The following RBFOX1 variants were observed in gnomAD, a reference collection of about 807,000 sequenced individuals.
RBFOX1 encodes RNA binding protein fox-1 homolog 1.
In RBFOX1, 8 loss-of-function variants were observed where a neutral mutation model predicts 57.7. The observed-to-expected ratio is 0.14, with a 90% CI of 0.08 to 0.25. The LOEUF is 0.25. RBFOX1 is among the 10% of genes least tolerant of loss of function. The probability of loss-of-function intolerance (pLI) is 1.00; values close to 1 mark genes in which losing one functional copy is unlikely to be tolerated. For missense variants in RBFOX1, 611 were observed against 548.5 expected (o/e 1.11, Z -1.14); for synonymous variants, 326 against 222.4 (o/e 1.47, Z -4.15).
chr16:5,886,720 T>G (rs1202830145), intron 4 of RBFOX1, among the ~76,000 whole-genome samples: 2 of 152,190 alleles, frequency 1.3e-5, no homozygotes, highest in Non-Finnish European at 2.9e-5. Flanking sequence ...AAACCCTGTC[T>G]CTACTTAAAA....
chr16:6,821,745 C>T (rs1208013396), intron 3 of RBFOX1, among the ~76,000 whole-genome samples: 3 of 152,154 alleles, frequency 2.0e-5, no homozygotes, highest in African/African-American at 7.2e-5. Flanking sequence ...AATAATATTC[C>T]ACTGTAGAAA....
intron 4 of RBFOX1, among the ~76,000 whole-genome samples, chr16:7,245,166 C>T (rs11077163): frequency 0.66 from 100,088 of 152,094 alleles, 35,131 homozygotes; most frequent in African/African-American, 0.91. Flanking sequence ...AGTGGTCTTA[C>T]ATGTCTCTCT....
At chr16:7,224,194 A>G (rs1056232853) in intron 4 of RBFOX1, among the ~76,000 whole-genome samples, 5 of 148,532 alleles carry the variant, frequency 3.4e-5, no homozygotes, top group African/African-American at 9.9e-5. Flanking sequence ...ACTCAGTGCA[A>G]TACTATAATG....
intron 3 of RBFOX1, among the ~76,000 whole-genome samples, chr16:5,750,850 A>T (rs1402811717): frequency 6.6e-6 from 1 of 152,294 alleles, no homozygotes; most frequent in South Asian, 2.1e-4. Flanking sequence ...CGGCTCACGC[A>T]TGGTGGGCTG....
intron 3 of RBFOX1, among the ~76,000 whole-genome samples, chr16:5,795,513 A>T (rs2054848638): frequency 6.6e-6 from 1 of 151,968 alleles, no homozygotes; most frequent in Admixed American, 6.6e-5. Context: ...ATGGTTGTGA[A>T]TTCCTGGGCT....
At chr16:7,636,876 G>C (rs961704275) in intron 11 of RBFOX1, among the ~76,000 whole-genome samples, 9 of 152,012 alleles carry the variant, frequency 5.9e-5, no homozygotes, top group African/African-American at 2.2e-4. Flanking sequence ...AGCAATCTCT[G>C]GTGTCTCTTC....
At chr16:7,311,932 T>C (rs1332597767) in intron 4 of RBFOX1, among the ~76,000 whole-genome samples, 1 of 152,224 alleles carries the variant, frequency 6.6e-6, no homozygotes, top group Non-Finnish European at 1.5e-5. Flanking sequence ...GATAGTTTTT[T>C]TTTGTTTATT....
intron 11 of RBFOX1, among the ~76,000 whole-genome samples, chr16:7,631,958 G>T (rs2061036663): frequency 6.6e-6 from 1 of 152,174 alleles, no homozygotes; most frequent in South Asian, 2.1e-4. Context: ...TACCCAGGCT[G>T]GAGTGCAGTG....
At chr16:6,205,863 CTTTTTT>C (rs34261182) in intron 1 of RBFOX1, among the ~76,000 whole-genome samples, 2 of 97,886 alleles carry the variant, frequency 2.0e-5, no homozygotes, top group African/African-American at 4.3e-5. Flanking sequence ...CGAGATCATA[CTTTTTT>C]TTTTTTTTTT....
chr16:6,961,690 T>A (rs68130908), intron 3 of RBFOX1, among the ~76,000 whole-genome samples: 92,878 of 151,850 alleles, frequency 0.61, 28,519 homozygotes, highest in Non-Finnish European at 0.63. Flanking sequence ...GGACTTCCTC[T>A]GGAGGTGAGG....
intron 2 of RBFOX1, among the ~76,000 whole-genome samples, chr16:5,494,136 A>T (rs1025883270): frequency 2.7e-4 from 41 of 152,086 alleles, no homozygotes; most frequent in African/African-American, 9.9e-4. Context: ...CTGGGGTATG[A>T]ATCCCTGTCA....
chr16:5,641,501 A>T (rs926369757), intron 3 of RBFOX1, among the ~76,000 whole-genome samples: 9 of 152,234 alleles, frequency 5.9e-5, no homozygotes, highest in African/African-American at 1.9e-4. Flanking sequence ...CTTCCAAGAG[A>T]TAGCTGTTAC....
chr16:7,203,509 A>G (rs969393280), intron 4 of RBFOX1, among the ~76,000 whole-genome samples: 1 of 152,240 alleles, frequency 6.6e-6, no homozygotes, highest in African/African-American at 2.4e-5. Flanking sequence ...ACTGAATTGT[A>G]TGCTTAAAAT....
chr16:6,042,351 G>A (rs749150335), intron 1 of RBFOX1, among the ~76,000 whole-genome samples: 6 of 151,906 alleles, frequency 3.9e-5, no homozygotes, highest in African/African-American at 7.3e-5. Flanking sequence ...TGTCCACCTC[G>A]GTCTCCCAAA....
At chr16:7,064,907 T>A (rs1245486368) in intron 4 of RBFOX1, among the ~76,000 whole-genome samples, 1 of 152,232 alleles carries the variant, frequency 6.6e-6, no homozygotes, top group Non-Finnish European at 1.5e-5. Context: ...CCTCTGTATG[T>A]GCATTTTCTT....
At chr16:7,142,042 G>C (rs1342402869) in intron 4 of RBFOX1, among the ~76,000 whole-genome samples, 1 of 150,740 alleles carries the variant, frequency 6.6e-6, no homozygotes, top group Non-Finnish European at 1.5e-5. Flanking sequence ...CTTTTTATCT[G>C]AGACAGGGTC....
intron 4 of RBFOX1, among the ~76,000 whole-genome samples, chr16:7,064,999 A>T (rs183236721): frequency 5.3e-5 from 8 of 152,150 alleles, no homozygotes; most frequent in Non-Finnish European, 1.2e-4. Flanking sequence ...ACATACAACA[A>T]ATCAGATGGA....
intron 4 of RBFOX1, among the ~76,000 whole-genome samples, chr16:7,076,225 G>A (rs1180972895): frequency 6.6e-6 from 1 of 150,894 alleles, no homozygotes; most frequent in Non-Finnish European, 1.5e-5. Context: ...GTAGAGATGG[G>A]GTTTCACCAT....
At chr16:6,667,958 A>T (rs1318337883) in intron 3 of RBFOX1, among the ~76,000 whole-genome samples, 4 of 152,038 alleles carry the variant, frequency 2.6e-5, no homozygotes, top group Non-Finnish European at 5.9e-5. Flanking sequence ...CTTTCGTCCT[A>T]CTCTTTTTTA....
Sources: gnomAD v4.1 joint callset for allele counts (sites outside exome capture counted in the v4.1 genomes callset) on GRCh38, gnomAD v4.1.1 for gene constraint, MANE v1.5 for transcripts, NCBI Gene and HGNC (gene_info 2026-07-23, HGNC 2026-07-21) for gene names.